The following LAMA4 variants were observed in gnomAD, a reference collection of about 807,000 sequenced individuals.
The protein encoded by LAMA4 is laminin subunit alpha 4, also known as laminin subunit alpha-4.
LAMA4 carries 127 observed loss-of-function variants against 207.1 expected under a neutral mutation model. The observed-to-expected ratio is 0.61, with a 90% confidence interval of 0.53 to 0.71. The LOEUF is 0.71. LAMA4 is among the 30% of genes least tolerant of loss of function. The probability of loss-of-function intolerance (pLI) is 0.00; values close to 1 mark genes in which losing one functional copy is unlikely to be tolerated. For synonymous variants in LAMA4, 761 were observed against 816.0 expected (o/e 0.93, Z 1.15); for missense variants, 2,093 against 2,246.5 (o/e 0.93, Z 1.38).
chr6:112,116,120 A>G (rs782632832), intron 35 of LAMA4, 127 bp from the exon 36 acceptor site: 5 of 931,980 alleles, frequency 5.4e-6, no homozygotes, highest in Non-Finnish European at 8.0e-6. Context: ...ACAGATAAGT[A>G]GAAAGTGGCT....
At position 112,168,354 on chromosome 6, in the gene LAMA4, T is replaced by C. The variant is rs77491096; in HGVS notation, c.1552-3078A>G. Among the ~76,000 whole-genome samples, 1,474 of 150,326 alleles carry C rather than the reference T, an allele frequency of 9.8e-3. 21 individuals carry two copies. The highest frequency in any genetic ancestry group is 0.016 in the Non-Finnish European group (1,084 of 67,248). On this transcript the variant is annotated intron_variant, in intron 12 of 38. Transcript: ENST00000230538. ...TCTGGCAGCTAGTGTTCTTTTTTTT[T>C]TTTTTTTTGAGGTGGAGTTTCACTC...
At chr6:112,140,512 G>A (rs911309449) in intron 22 of LAMA4, among the ~76,000 whole-genome samples, 1 of 152,270 alleles carries the variant, frequency 6.6e-6, no homozygotes, top group East Asian at 1.9e-4. Flanking sequence ...ACATATGCAT[G>A]TATCAGAATG....
chr6:112,141,069 G>T, intron 21 of LAMA4, 147 bp from the exon 22 acceptor site: 1 of 752,720 alleles, frequency 1.3e-6, no homozygotes, highest in Non-Finnish European at 2.2e-6. Context: ...CAATGAGAAA[G>T]AGAAGAAAGA....
chr6:112,139,715 A>G (rs1554332549), intron 23 of LAMA4, 37 bp downstream of exon 23: 1 of 1,608,860 alleles, frequency 6.2e-7, no homozygotes, highest in Admixed American at 1.7e-5. Flanking sequence ...CTCTTGCATG[A>G]ATATCCAAGT....
intron 33 of LAMA4, among the ~76,000 whole-genome samples, chr6:112,119,888 A>T (rs1778249242): frequency 6.6e-6 from 1 of 152,216 alleles, no homozygotes; most frequent in Non-Finnish European, 1.5e-5. Flanking sequence ...TTCAATATTT[A>T]TCTGCTCCCA....
intron 3 of LAMA4, chr6:112,214,127 C>G: frequency 1.6e-6 from 1 of 636,000 alleles, no homozygotes; most frequent in Non-Finnish European, 2.9e-6. Context: ...CAGTGTGACA[C>G]CACAGACTTA....
intron 18 of LAMA4, among the ~76,000 whole-genome samples, chr6:112,145,824 G>A (rs949543648): frequency 6.6e-6 from 1 of 152,028 alleles, no homozygotes; most frequent in Non-Finnish European, 1.5e-5. Context: ...CAGGGACCAC[G>A]GTATATATAC....
chr6:112,254,483 A>T lies in LAMA4; in HGVS notation c.-166T>A. 2 of 402,380 alleles carry T rather than the reference A, an allele frequency of 5.0e-6. No homozygotes were observed. Among genetic ancestry groups the T allele is most frequent in the Non-Finnish European group, 9.4e-6 (2 of 213,550 alleles). 24.9% of individuals were successfully genotyped at this position (402,380 alleles called of 1,614,324 possible). ...CAGTACGGCATCAAAAGGCAGACGG[A>T]TTGGGGTGAGCCCCGCCAGCGCTAG... On this transcript the variant is annotated 5_prime_UTR_variant, in exon 1 of 39. Coordinates refer to ENST00000230538, the MANE Select transcript of LAMA4 (RefSeq NM_001105206.3).
rs782496324 is a variant in LAMA4 at position 112,114,703 on chromosome 6, G to A, written c.5166C>T (p.Pro1722=). The A allele has an allele frequency of 6.2e-7, 1 of 1,613,172 alleles. No homozygotes were observed. The highest frequency in any genetic ancestry group is 8.5e-7 in the Non-Finnish European group (1 of 1,179,336). ...ATCTGCCATCACAGAGACTCTGCTT[G>A]GGTGTAACTGAGGTGGAAAAATCTC... ...GIRDFSTSVT[P]KQSLCDGRWH... Residue 1722 remains proline, a synonymous_variant, in exon 37 of 39, where the codon CCC becomes CCT. Coordinates refer to ENST00000230538, the MANE Select transcript of LAMA4 (RefSeq NM_001105206.3).
In LAMA4 at chr6:112,187,442, C is replaced by G; in HGVS notation, c.966+8G>C. On this transcript the variant is annotated splice_region_variant and intron_variant, in intron 8 of 38. Transcript: ENST00000230538. The stretch of plus-strand genomic sequence containing the variant: ...AAACAGAGTGGAAAGTAGAACATTC[C>G]TGCGTACTTTGAGGAGGTAGATGGT... 6.2e-7 allele frequency: 1 copy of G among 1,614,014 alleles called. No homozygotes were observed. The highest frequency in any genetic ancestry group is 8.5e-7 in the Non-Finnish European group (1 of 1,179,954).
rs1554330613 is a variant in LAMA4, at chr6:112,133,503, A to G, written c.3558-16T>C. On this transcript the variant is annotated splice_polypyrimidine_tract_variant and intron_variant, in intron 26 of 38. Transcript: ENST00000230538. ...TCTGAGGGCCCTGGAAAAGAAAGTC[A>G]GCCTCACTGATACAGCCATGATGAT... 6.2e-7 allele frequency: 1 copy of G among 1,613,470 alleles called. No homozygotes were observed. The highest frequency in any genetic ancestry group is 8.5e-7 in the Non-Finnish European group (1 of 1,179,518).
At chr6:112,134,731 G>T in intron 25 of LAMA4, 122 bp from the exon 26 acceptor site, 1 of 802,144 alleles carries the variant, frequency 1.2e-6, no homozygotes. Flanking sequence ...GTGCTTGTTT[G>T]TTCACAAAAT....
At chr6:112,170,116 G>C (rs1781625442) in intron 12 of LAMA4, among the ~76,000 whole-genome samples, 1 of 152,224 alleles carries the variant, frequency 6.6e-6, no homozygotes, top group Non-Finnish European at 1.5e-5. Flanking sequence ...TCTAGCACAA[G>C]GCTATGTAGA....
chr6:112,238,369 G>A (rs1786089690), intron 2 of LAMA4, among the ~76,000 whole-genome samples: 1 of 152,116 alleles, frequency 6.6e-6, no homozygotes, highest in Non-Finnish European at 1.5e-5. Context: ...GAAATACAAT[G>A]TGGCAGTACA....
intron 34 of LAMA4, 63 bp downstream of exon 34, chr6:112,119,093 C>T: frequency 6.6e-7 from 1 of 1,521,060 alleles, no homozygotes; most frequent in Non-Finnish European, 9.1e-7. Flanking sequence ...GAGACGAGGG[C>T]CTCAATTAGA....
intron 2 of LAMA4, among the ~76,000 whole-genome samples, chr6:112,226,368 C>A (rs564267449): frequency 6.6e-6 from 1 of 152,168 alleles, no homozygotes; most frequent in East Asian, 1.9e-4. Flanking sequence ...AATCACATAC[C>A]CCACAACCCT....
In LAMA4 at chr6:112,108,636, A is replaced by T. The variant is rs1554320556; in HGVS notation, c.*801T>A. ...TTGCCCAGGCTAGGAGCAAACTTTTAATAAAAGGACTTGTGTACTCTTAAA... is the reference window on the plus strand; with the variant it reads ...TTGCCCAGGCTAGGAGCAAACTTTTTATAAAAGGACTTGTGTACTCTTAAA... On this transcript the variant is annotated 3_prime_UTR_variant, in exon 39 of 39. Coordinates refer to ENST00000230538, the MANE Select transcript of LAMA4 (RefSeq NM_001105206.3). The T allele has an allele frequency of 6.6e-6, 1 of 152,178 alleles. No homozygotes were observed. The highest frequency in any genetic ancestry group is 1.5e-5 in the Non-Finnish European group (1 of 68,048). 9.4% of individuals were successfully genotyped at this position (152,178 alleles called of 1,614,324 possible). A position where few individuals can be genotyped will look rare whatever the true frequency, so the allele number is the denominator to read the frequency against.
In LAMA4 at chr6:112,190,940, TTTCTTTCC is replaced by T. The variant is rs1341423724; in HGVS notation, c.718+688_718+695del. ...CTTTCTTTCTTTCTTTCTTTCTTTC[TTTCTTTCC>T]TTTCTTTCTTTCTTTCTTTCTTTCT... On this transcript the variant is annotated intron_variant, in intron 6 of 38. Transcript: ENST00000230538. 2.1e-3 allele frequency among the ~76,000 whole-genome samples: 107 copies of T among 51,490 alleles called. 2 individuals carry two copies. The highest frequency in any genetic ancestry group is 9.7e-3 in the East Asian group (16 of 1,646). 33.8% of individuals were successfully genotyped at this position (51,490 alleles called of 152,430 possible).
In LAMA4 at chr6:112,148,313, G is replaced by A. The variant is rs782114471; in HGVS notation, c.2197C>T (p.Gln733Ter). 6.2e-7 allele frequency: 1 copy of A among 1,614,148 alleles called. No individual in the cohort carries two copies. The highest frequency in any genetic ancestry group is 1.7e-5 in the Admixed American group (1 of 60,024). The change falls in exon 18 of 39, where the codon CAG becomes TAG. Residue 733 changes from glutamine to a stop codon, truncating the protein, a stop_gained. Transcript: ENST00000230538. LOFTEE classifies it high-confidence loss of function. ...ERGDAQQRLG[Q>*]SRLITEEANR... ...GCTTCCTCGGTGATCAGTCTAGACT[G>A]CCCCAGGCGCTGCTGGGCATCCCCT...
Sources: gnomAD v4.1 joint callset for allele counts (sites outside exome capture counted in the v4.1 genomes callset) on GRCh38, gnomAD v4.1.1 for gene constraint, MANE v1.5 for transcripts, NCBI Gene and HGNC (gene_info 2026-07-23, HGNC 2026-07-21) for gene names.